The following GRIN2A variants were observed in gnomAD, a reference collection of about 807,000 sequenced individuals.
GRIN2A encodes the protein glutamate ionotropic receptor NMDA type subunit 2A.
In GRIN2A, 22 loss-of-function variants were observed where a neutral mutation model predicts 113.4. The ratio of observed to expected loss-of-function variants is 0.19; its 90% confidence interval spans 0.14 to 0.28. The LOEUF is 0.28. Among genes scored for constraint, GRIN2A ranks in the 10% least tolerant of loss-of-function variants. The pLI is 1.00. For missense variants in GRIN2A, 1,502 were observed against 1,887.0 expected (o/e 0.80, Z 3.78); for synonymous variants, 827 against 738.4 (o/e 1.12, Z -1.94).
intron 2 of GRIN2A, among the ~76,000 whole-genome samples, chr16:9,945,776 G>C (rs2045004273): frequency 6.6e-6 from 1 of 152,156 alleles, no homozygotes; most frequent in Non-Finnish European, 1.5e-5. Context: ...GAATAAAAAG[G>C]AGTCTTTCAG....
At chr16:9,807,027 C>G in intron 10 of GRIN2A, among the ~76,000 whole-genome samples, 1 of 151,428 alleles carries the variant, frequency 6.6e-6, no homozygotes, top group Non-Finnish European at 1.5e-5. Context: ...ACTTGGTTCT[C>G]ATTCTCTCTT....
intron 2 of GRIN2A, among the ~76,000 whole-genome samples, chr16:9,949,315 G>A (rs1596354374): frequency 2.6e-5 from 4 of 152,276 alleles, no homozygotes; most frequent in South Asian, 2.1e-4. Flanking sequence ...ATGGACAGAC[G>A]AATGCATGGA....
At position 9,825,521 on chromosome 16, in the gene GRIN2A, A is replaced by G. The variant is rs181662092; in HGVS notation, c.2008-3097T>C. Among the ~76,000 whole-genome samples, 5 of 152,326 alleles carry G rather than the reference A, an allele frequency of 3.3e-5. No individual in the cohort carries two copies. The East Asian group carries it at 9.6e-4, about 29-fold the overall frequency. On this transcript the variant is annotated intron_variant, in intron 9 of 12. Transcript: ENST00000330684. ...GTAGAGATGCAACACTTGGAGATAA[A>G]ATTTCCAGAAAAATGCAGCAATTAA...
At chr16:10,134,955 A>G (rs193046968) in intron 2 of GRIN2A, among the ~76,000 whole-genome samples, 3 of 152,238 alleles carry the variant, frequency 2.0e-5, no homozygotes, top group Admixed American at 2.0e-4. Flanking sequence ...AAAACTGTTC[A>G]GCCATACCCT....
chr16:10,141,238 C>T (rs1230907921), intron 2 of GRIN2A, among the ~76,000 whole-genome samples: 1 of 152,004 alleles, frequency 6.6e-6, no homozygotes, highest in East Asian at 1.9e-4. Context: ...CTCCTGTAAT[C>T]CCAGCACTTT....
chr16:9,994,511 A>T (rs1017789687), intron 2 of GRIN2A, among the ~76,000 whole-genome samples: 2 of 152,222 alleles, frequency 1.3e-5, no homozygotes, highest in African/African-American at 4.8e-5. Context: ...CGTCCCCGAG[A>T]TGTTAACCTC....
intron 2 of GRIN2A, among the ~76,000 whole-genome samples, chr16:9,958,194 T>C (rs1284127826): frequency 2.6e-5 from 4 of 152,248 alleles, no homozygotes; most frequent in Non-Finnish European, 4.4e-5. Flanking sequence ...GCATCTGGCA[T>C]GCAATTAACT....
intron 2 of GRIN2A, among the ~76,000 whole-genome samples, chr16:9,966,988 T>G (rs369870962): frequency 6.6e-6 from 1 of 152,218 alleles, no homozygotes; most frequent in African/African-American, 2.4e-5. Flanking sequence ...TCAGCAGTAG[T>G]GAAACATGAG....
intron 2 of GRIN2A, among the ~76,000 whole-genome samples, chr16:10,058,863 A>G (rs1379577290): frequency 2.0e-5 from 3 of 152,246 alleles, no homozygotes; most frequent in African/African-American, 7.2e-5. Flanking sequence ...TAATGAGCTT[A>G]TATTCTAGTG....
At chr16:9,921,290 G>C (rs1240589247) in intron 3 of GRIN2A, among the ~76,000 whole-genome samples, 1 of 152,122 alleles carries the variant, frequency 6.6e-6, no homozygotes, top group Non-Finnish European at 1.5e-5. Context: ...TAACTCTAAA[G>C]ACAAGCAAAT....
At chr16:9,831,535 A>AGAT (rs2042496113) in intron 8 of GRIN2A, among the ~76,000 whole-genome samples, 1 of 84,152 alleles carries the variant, frequency 1.2e-5, no homozygotes, top group Non-Finnish European at 2.3e-5. Flanking sequence ...TTTTTTTTTG[A>AGAT]GATGGAGTCT....
chr16:9,764,527 G>T lies in GRIN2A; in HGVS notation c.3017C>A (p.Ala1006Glu), dbSNP rs200526162. 1.9e-6 allele frequency: 3 copies of T among 1,613,974 alleles called. No individual in the cohort carries two copies. The highest frequency in any genetic ancestry group is 2.5e-6 in the Non-Finnish European group (3 of 1,179,972). The change falls in exon 13 of 13, where the codon GCG becomes GAG. Residue 1006 changes from alanine to glutamate, a missense_variant. Coordinates refer to ENST00000330684, the MANE Select transcript of GRIN2A (RefSeq NM_001134407.3). ...CCACAGCTGCCGGGGTCTAGAGTTC[G>T]CTTTGGATTCTGTGCTCACGGCCAC... is the stretch of plus-strand genomic sequence containing the variant. ...VEVAVSTESK[A>E]NSRPRQLWKK...
chr16:10,070,488 T>C (rs1241383450), intron 2 of GRIN2A, among the ~76,000 whole-genome samples: 9 of 152,046 alleles, frequency 5.9e-5, no homozygotes. Context: ...TCTACAACAT[T>C]GCCATATGTC....
At chr16:9,827,084 A>T (rs931885893) in intron 9 of GRIN2A, among the ~76,000 whole-genome samples, 10 of 152,198 alleles carry the variant, frequency 6.6e-5, no homozygotes, top group Non-Finnish European at 1.5e-4. Flanking sequence ...AGAGGGATTC[A>T]TATGCTACAA....
intron 11 of GRIN2A, among the ~76,000 whole-genome samples, chr16:9,773,222 C>CA: frequency 1.3e-5 from 2 of 152,320 alleles, no homozygotes; most frequent in South Asian, 4.1e-4. Context: ...CAGGCTTAAA[C>CA]TGGGCAGCAT....
At position 9,758,719 on chromosome 16, in the gene GRIN2A, C is replaced by A. The variant is rs927620507; in HGVS notation, c.*4430G>T. The A allele has an allele frequency of 9.3e-6, 2 of 215,192 alleles. No homozygotes were observed. Among genetic ancestry groups the A allele is most frequent in the African/African-American group, 4.5e-5 (2 of 44,380 alleles). 13.3% of individuals were successfully genotyped at this position (215,192 alleles called of 1,614,324 possible). A position where few individuals can be genotyped will look rare whatever the true frequency, so the allele number is the denominator to read the frequency against. On this transcript the variant is annotated 3_prime_UTR_variant, in exon 13 of 13. Coordinates refer to ENST00000330684, the MANE Select transcript of GRIN2A (RefSeq NM_001134407.3). ...AGTGGCAAGCTGACCTCATCTGATA[C>A]AATTAGATATGAACACAGTACAATG... is the stretch of plus-strand genomic sequence containing the variant.
chr16:9,812,112 TA>T (rs1168603848), intron 10 of GRIN2A, among the ~76,000 whole-genome samples: 1 of 152,208 alleles, frequency 6.6e-6, no homozygotes, highest in Non-Finnish European at 1.5e-5. Flanking sequence ...AGAACAGTCA[TA>T]TTTTTTATTT....
chr16:10,109,012 T>A (rs1394709203), intron 2 of GRIN2A, among the ~76,000 whole-genome samples: 3 of 71,450 alleles, frequency 4.2e-5, no homozygotes, highest in African/African-American at 1.7e-4. Context: ...GCTGATTCTC[T>A]TTAAAAAAAA....
At chr16:10,141,439 G>A (rs1264254572) in intron 2 of GRIN2A, among the ~76,000 whole-genome samples, 2 of 152,098 alleles carry the variant, frequency 1.3e-5, no homozygotes, top group Non-Finnish European at 2.9e-5. Context: ...AGTGAGCCGA[G>A]ATCATGCCGC....
Sources: allele counts gnomAD v4.1 joint callset (sites outside exome capture counted in the v4.1 genomes callset), GRCh38; gene constraint gnomAD v4.1.1; transcripts MANE v1.5; gene names NCBI Gene and HGNC (gene_info 2026-07-23, HGNC 2026-07-21).